HNRNPUL2: variants seen among roughly 807,000 people sequenced by gnomAD.
The protein encoded by HNRNPUL2 is heterogeneous nuclear ribonucleoprotein U-like protein 2.
In HNRNPUL2, 27 loss-of-function variants were observed where a neutral mutation model predicts 102.2. The observed-to-expected ratio is 0.26, with a 90% CI of 0.19 to 0.36. The LOEUF is 0.36. HNRNPUL2 is among the 10% of genes least tolerant of loss of function. The pLI, the probability that HNRNPUL2 is intolerant of heterozygous loss-of-function variation, is 1.00. For missense variants in HNRNPUL2, 936 were observed against 981.1 expected (o/e 0.95, Z 0.61); for synonymous variants, 458 against 387.2 (o/e 1.18, Z -2.15).
chr11:62,724,540 G>C, intron 1 of HNRNPUL2, 114 bp from the exon 2 acceptor site: 7 of 1,123,794 alleles, frequency 6.2e-6, no homozygotes, highest in Non-Finnish European at 9.1e-6. Context: ...AAACAGCCAG[G>C]TTATTCCCAC....
Position 62,727,300 on chromosome 11 carries a change from G to T in HNRNPUL2, c.-144C>A. ...CGCGCGAGCGAGCGCACGCACGCAG[G>T]AGCGGAGGCCGCGCACGGTCCCGCT... is the stretch of plus-strand genomic sequence containing the variant. On this transcript the variant is annotated 5_prime_UTR_variant, in exon 1 of 14. Coordinates refer to ENST00000301785, the MANE Select transcript of HNRNPUL2 (RefSeq NM_001079559.3). 1.9e-6 allele frequency: 2 copies of T among 1,050,240 alleles called. No individual in the cohort carries two copies. Among genetic ancestry groups the T allele is most frequent in the Non-Finnish European group, 2.4e-6 (2 of 829,020 alleles). 65.1% of individuals were successfully genotyped at this position (1,050,240 alleles called of 1,614,324 possible).
rs375258874 is a variant in HNRNPUL2, at chr11:62,715,364, A to G, written c.2179T>C (p.Tyr727His). The G allele has an allele frequency of 1.9e-6, 3 of 1,613,058 alleles. No homozygotes were observed. Among genetic ancestry groups the G allele is most frequent in the Admixed American group, 1.7e-5 (1 of 59,934 alleles). The change falls in exon 14 of 14, where the codon TAC (tyrosine) becomes CAC (histidine). Residue 727 changes from tyrosine (Y) to histidine (H), a missense_variant. By Grantham distance (83) the Tyr-to-His change is moderately conservative (BLOSUM62 2). Coordinates refer to ENST00000301785, the MANE Select transcript of HNRNPUL2 (RefSeq NM_001079559.3). The part of the protein sequence containing the change: ...QYNRDWQSYY[Y>H]HHPQDRDRYY... ...CGGTCTCTGTCCTGGGGGTGGTGGT[A>G]GTAGTAACTCTGCCACTAGAAGAGA...
chr11:62,721,463 A>C, intron 8 of HNRNPUL2, 40 bp from the exon 9 acceptor site: 2 of 1,541,240 alleles, frequency 1.3e-6, no homozygotes, highest in South Asian at 1.2e-5. Context: ...AAAACAAAAC[A>C]CAAGTTATAT....
At position 62,715,890 on chromosome 11, in the gene HNRNPUL2, ACTG is replaced by A; in HGVS notation, c.2026_2028del (p.Gln676del). On this transcript the variant is annotated inframe_deletion, in exon 12 of 14. Coordinates refer to ENST00000301785, the MANE Select transcript of HNRNPUL2 (RefSeq NM_001079559.3). ...CCTCTGTTTCCAGGCTGCCCCCAGT[ACTG>A]CTGCCCGTAGGCCCGGTTGTCGTAG... The A allele has an allele frequency of 6.2e-7, 1 of 1,613,708 alleles. No individual in the cohort carries two copies. Among genetic ancestry groups the A allele is most frequent in the Non-Finnish European group, 8.5e-7 (1 of 1,179,854 alleles).
Position 62,717,101 on chromosome 11 carries a change from A to G in HNRNPUL2, c.1869T>C (p.Thr623=). ...GCTTCCTTGCCTCCTCCTTGTACTT[A>G]GTGACAATGGGCTGAGCTTCCTCCT... ...LEKEEAQPIV[T]KYKEEARKLL... is the part of the protein sequence containing the mutation. Residue 623 remains threonine, a synonymous_variant, in exon 11 of 14, where the codon ACT becomes ACC. Coordinates refer to ENST00000301785, the MANE Select transcript of HNRNPUL2 (RefSeq NM_001079559.3). 6.2e-7 allele frequency: 1 copy of G among 1,614,088 alleles called. No individual in the cohort carries two copies.
chr11:62,723,876 ATTAG>A (rs2083723434), intron 3 of HNRNPUL2, 34 bp downstream of exon 3: 2 of 1,604,208 alleles, frequency 1.2e-6, no homozygotes, highest in South Asian at 1.1e-5. Context: ...CTTTTAGGAG[ATTAG>A]TTAAAAACCA....
chr11:62,718,518 T>C (rs1262764064), intron 10 of HNRNPUL2, among the ~76,000 whole-genome samples: 1 of 151,798 alleles, frequency 6.6e-6, no homozygotes, highest in Admixed American at 6.6e-5. Flanking sequence ...CTGACCAACA[T>C]GGCGAAACCC....
chr11:62,724,205 C>T, intron 2 of HNRNPUL2, 86 bp downstream of exon 2: 7 of 1,542,592 alleles, frequency 4.5e-6, no homozygotes, highest in Non-Finnish European at 5.3e-6. Context: ...TTTGAATCCA[C>T]CCTCCTTCCA....
At position 62,726,780 on chromosome 11, in the gene HNRNPUL2, T is replaced by C. The variant is rs1404419362; in HGVS notation, c.377A>G (p.Asp126Gly). ...GGCCTCCGCCGGCTTCTCGGAAGCA[T>C]CTGGCTCGGCCGCGGCCTCCATGGC... Reference protein sequence around the residue: ...AAAMEAAAEPDASEKPAEATA... With the variant: ...AAAMEAAAEPGASEKPAEATA... The change falls in exon 1 of 14, where the codon GAT becomes GGT. Residue 126 changes from aspartate to glycine, a missense_variant. Coordinates refer to ENST00000301785, the MANE Select transcript of HNRNPUL2 (RefSeq NM_001079559.3). 4 of 1,600,264 alleles carry C rather than the reference T, an allele frequency of 2.5e-6. No individual in the cohort carries two copies. Among genetic ancestry groups the C allele is most frequent in the Non-Finnish European group, 3.4e-6 (4 of 1,179,256 alleles).
At chr11:62,717,304 A>C in intron 10 of HNRNPUL2, 115 bp from the exon 11 acceptor site, 1 of 739,078 alleles carries the variant, frequency 1.4e-6, no homozygotes, top group Non-Finnish European at 2.2e-6. Context: ...ATTACTGCAC[A>C]AAAATGTGCT....
chr11:62,721,986 G>A (rs778788263), intron 7 of HNRNPUL2, 44 bp from the exon 8 acceptor site: 7 of 1,610,896 alleles, frequency 4.3e-6, no homozygotes, highest in East Asian at 2.2e-5. Context: ...ATAAATGAGG[G>A]TCATGTTTAT....
chr11:62,717,748 C>G lies in HNRNPUL2; in HGVS notation c.1781-559G>C, dbSNP rs543688108. On this transcript the variant is annotated intron_variant, in intron 10 of 13. Transcript: ENST00000301785. ...GCAGGTGCCTGTTATCCCAGCTACT[C>G]GGGAGGCTGAGTGCCACTGCACTCT... Among the ~76,000 whole-genome samples, 31 of 152,252 alleles carry G rather than the reference C, an allele frequency of 2.0e-4. 1 individual carries two copies. Among genetic ancestry groups the G allele is most frequent in the Admixed American group, 1.8e-3 (28 of 15,302 alleles).
rs2083758750 is a variant in HNRNPUL2 at position 62,727,001 on chromosome 11, C to T, written c.156G>A (p.Gly52=). Residue 52 remains glycine (G), a synonymous_variant, in exon 1 of 14, where the codon GGG becomes GGA. Coordinates refer to ENST00000301785, the MANE Select transcript of HNRNPUL2 (RefSeq NM_001079559.3). The part of the protein sequence containing the change: ...LEDEAGGGGA[G]PGGACKAEPR... ...GCTCCGCCTTGCAGGCCCCGCCGGG[C>T]CCGGCCCCGCCGCCGCCGGCCTCGT... 4 of 1,358,934 alleles carry T rather than the reference C, an allele frequency of 2.9e-6. No homozygotes were observed. The highest frequency in any genetic ancestry group is 3.8e-6 in the Non-Finnish European group (4 of 1,058,040). 84.2% of individuals were successfully genotyped at this position (1,358,934 alleles called of 1,614,324 possible). A position where few individuals can be genotyped will look rare whatever the true frequency, so the allele number is the denominator to read the frequency against.
At position 62,717,983 on chromosome 11, in the gene HNRNPUL2, T is replaced by G. The variant is rs559572118; in HGVS notation, c.1781-794A>C. Among the ~76,000 whole-genome samples, 5 of 152,326 alleles carry G rather than the reference T, an allele frequency of 3.3e-5. No homozygotes were observed. In the South Asian group the frequency reaches 1.0e-3, roughly 32 times the overall value. On this transcript the variant is annotated intron_variant, in intron 10 of 13. Transcript: ENST00000301785. The stretch of plus-strand genomic sequence containing the variant: ...CAGTTCAATGGGGCTCTCATGATTC[T>G]TAGATGAATCCAGTTGGCCCTCAAT...
At chr11:62,716,010 A>C in intron 11 of HNRNPUL2, 73 bp from the exon 12 acceptor site, 1 of 1,249,748 alleles carries the variant, frequency 8.0e-7, no homozygotes, top group Non-Finnish European at 1.1e-6. Flanking sequence ...TGGAAATCAA[A>C]AACTTGGAGC....
intron 11 of HNRNPUL2, 40 bp from the exon 12 acceptor site, chr11:62,715,977 G>A (rs1287954186): frequency 6.6e-7 from 1 of 1,509,708 alleles, no homozygotes; most frequent in African/African-American, 1.4e-5. Context: ...CAGCTGGCAT[G>A]GGGTCCTGGC....
intron 9 of HNRNPUL2, 94 bp downstream of exon 9, chr11:62,721,201 G>A (rs2083699955): frequency 4.3e-6 from 5 of 1,170,018 alleles, no homozygotes; most frequent in South Asian, 1.5e-5. Context: ...CAACCAGATG[G>A]TCATAATTAG....
rs1189531938 is a variant in HNRNPUL2, at chr11:62,727,140, A to C, written c.17T>G (p.Leu6Arg). 6.9e-7 allele frequency: 1 copy of C among 1,442,300 alleles called. No homozygotes were observed. Among genetic ancestry groups the C allele is most frequent in the Non-Finnish European group, 9.1e-7 (1 of 1,100,202 alleles). 89.3% of individuals were successfully genotyped at this position (1,442,300 alleles called of 1,614,324 possible). A position where few individuals can be genotyped will look rare whatever the true frequency, so the allele number is the denominator to read the frequency against. ...CTCCGACCGCAGCTCGGTCACTTTC[A>C]GCCGCTTCACCTCCATCGCCGCCGC... MEVKR[L>R]KVTELRSELQ... Residue 6 changes from leucine to arginine, a missense_variant, in exon 1 of 14, where the codon CTG (leucine) becomes CGG (arginine). By Grantham distance (102) the Leu-to-Arg change is moderately radical (BLOSUM62 -2). This residue lies in a region of HNRNPUL2 where 327 missense variants were observed against 268.1 expected (regional missense o/e 1.22). Transcript: ENST00000301785.
rs59226130 is a variant in HNRNPUL2, at chr11:62,714,137, A to ACCCCCCCCCCC, written c.*1161_*1162insGGGGGGGGGGG. 2 of 87,920 alleles carry ACCCCCCCCCCC rather than the reference A, an allele frequency of 2.3e-5. No individual in the cohort carries two copies. Among genetic ancestry groups the ACCCCCCCCCCC allele is most frequent in the African/African-American group, 9.2e-5 (2 of 21,742 alleles). The allele number at this position is 87,920 out of a possible 1,614,324, so 5.4% of individuals were successfully genotyped here. A position where few individuals can be genotyped will look rare whatever the true frequency, so the allele number is the denominator to read the frequency against. ...CAGCAGCCCCACTGAGCTGCCTCCC[A>ACCCCCCCCCCC]CCCCCCCCCACCACCCTCCCCTCTT... is the stretch of plus-strand genomic sequence containing the variant. On this transcript the variant is annotated 3_prime_UTR_variant, in exon 14 of 14. Transcript: ENST00000301785.
Sources: allele counts gnomAD v4.1 joint callset (sites outside exome capture counted in the v4.1 genomes callset), GRCh38; gene constraint gnomAD v4.1.1; regional missense constraint gnomAD v4.1.1; transcripts MANE v1.5; gene names NCBI Gene and HGNC (gene_info 2026-07-23, HGNC 2026-07-21).